SUMF1: variants seen among roughly 807,000 people sequenced by gnomAD.
SUMF1 encodes the protein sulfatase modifying factor 1.
A neutral mutation model predicts 47.6 loss-of-function variants in SUMF1; 48 were observed. The ratio of observed to expected loss-of-function variants is 1.01; its 90% confidence interval spans 0.80 to 1.28. SUMF1 has a LOEUF of 1.28. Ranked by LOEUF, SUMF1 falls within the 50% of genes most tolerant of loss-of-function variation. SUMF1 has a pLI of 0.00. For synonymous variants in SUMF1, 230 were observed against 192.1 expected (o/e 1.20, Z -1.63); for missense variants, 571 against 485.4 (o/e 1.18, Z -1.66).
In SUMF1 at chr3:4,221,927, C is replaced by T. The variant is rs2068382; in HGVS notation, c.1015-153182G>A. On this transcript the variant is annotated intron_variant and NMD_transcript_variant, in intron 8 of 12. Coordinates refer to the SUMF1 transcript ENST00000448413. ...GTGATTTTTTTTCTTTTCCTTATAA[C>T]GTTTTGTATATCCTCTGATTTTTTT... 5.9e-3 allele frequency among the ~76,000 whole-genome samples: 892 copies of T among 151,234 alleles called. 11 individuals carry two copies. The highest frequency in any genetic ancestry group is 0.021 in the African/African-American group (847 of 41,182).
At chr3:4,153,979 C>G in intron 8 of SUMF1, among the ~76,000 whole-genome samples, 1 of 151,604 alleles carries the variant, frequency 6.6e-6, no homozygotes, top group Non-Finnish European at 1.5e-5. Context: ...ACAATCCACC[C>G]ATTCATTCCT....
intron 9 of SUMF1, among the ~76,000 whole-genome samples, chr3:4,043,577 T>C (rs76111163): frequency 0.052 from 7,927 of 152,130 alleles, 712 homozygotes; most frequent in African/African-American, 0.18. Context: ...GGCTCTGGAC[T>C]TGCCCTTTAC....
chr3:4,217,043 T>C (rs1459580182), intron 8 of SUMF1, among the ~76,000 whole-genome samples: 1 of 152,166 alleles, frequency 6.6e-6, no homozygotes, highest in African/African-American at 2.4e-5. Flanking sequence ...TAAATCATTC[T>C]ACTATAAAGA....
At chr3:4,335,296 C>G (rs4685739) in intron 8 of SUMF1, among the ~76,000 whole-genome samples, 100,007 of 151,526 alleles carry the variant, frequency 0.66, 33,096 homozygotes, top group East Asian at 0.74. Context: ...AAGACCAGAC[C>G]ACCCTACCTA....
chr3:4,109,838 C>T (rs186501536), intron 8 of SUMF1, among the ~76,000 whole-genome samples: 66 of 152,114 alleles, frequency 4.3e-4, no homozygotes, highest in South Asian at 1.0e-3. Context: ...AATCTTTTTT[C>T]AAAGCTTTTA....
intron 3 of SUMF1, among the ~76,000 whole-genome samples, chr3:4,424,833 C>T (rs1702017894): frequency 6.6e-6 from 1 of 152,176 alleles, no homozygotes; most frequent in Admixed American, 6.5e-5. Flanking sequence ...AGCGAAGGAT[C>T]AGGAGAGTAC....
intron 8 of SUMF1, among the ~76,000 whole-genome samples, chr3:4,077,234 G>A (rs1402846168): frequency 1.3e-5 from 2 of 152,070 alleles, no homozygotes; most frequent in African/African-American, 4.8e-5. Flanking sequence ...TAACCATTGT[G>A]CAAGACAGTG....
At chr3:4,253,962 C>A in intron 8 of SUMF1, among the ~76,000 whole-genome samples, 1 of 150,670 alleles carries the variant, frequency 6.6e-6, no homozygotes, top group East Asian at 1.9e-4. Flanking sequence ...ACCCCTGACC[C>A]CCGAGCAGCC....
At chr3:4,315,325 A>C (rs939731286) in intron 8 of SUMF1, among the ~76,000 whole-genome samples, 1 of 152,242 alleles carries the variant, frequency 6.6e-6, no homozygotes, top group Non-Finnish European at 1.5e-5. Context: ...GTTAGAAGGA[A>C]AATGATTGGC....
intron 8 of SUMF1, among the ~76,000 whole-genome samples, chr3:4,099,040 C>T (rs1692971253): frequency 6.6e-6 from 1 of 152,150 alleles, no homozygotes; most frequent in Non-Finnish European, 1.5e-5. Flanking sequence ...CTTAACAAGG[C>T]AAAATAAAGC....
intron 8 of SUMF1, chr3:4,314,337 A>C (rs1698549709): frequency 1.3e-5 from 2 of 152,996 alleles, no homozygotes; most frequent in African/African-American, 4.8e-5. Context: ...TTGTGGCTGC[A>C]TACCTAAACC....
intron 8 of SUMF1, among the ~76,000 whole-genome samples, chr3:4,080,761 T>C (rs1226583503): frequency 6.6e-6 from 1 of 152,192 alleles, no homozygotes; most frequent in Non-Finnish European, 1.5e-5. Context: ...TAAAGGTTTC[T>C]TAGCTCAGGG....
intron 8 of SUMF1, among the ~76,000 whole-genome samples, chr3:4,078,429 A>T (rs1692486795): frequency 1.3e-5 from 2 of 152,166 alleles, no homozygotes; most frequent in Admixed American, 6.5e-5. Flanking sequence ...AACTTTGATC[A>T]TGTGTTTCAT....
intron 7 of SUMF1, among the ~76,000 whole-genome samples, chr3:4,399,637 C>G (rs1348088252): frequency 6.6e-6 from 1 of 152,182 alleles, no homozygotes; most frequent in Admixed American, 6.5e-5. Context: ...AACAATCTGT[C>G]CAGGGAGAGC....
At chr3:4,250,123 G>A (rs930105564) in intron 8 of SUMF1, among the ~76,000 whole-genome samples, 3 of 151,886 alleles carry the variant, frequency 2.0e-5, no homozygotes, top group South Asian at 2.1e-4. Context: ...GCAGAGGTTA[G>A]TGGAAGCCAA....
chr3:4,412,632 C>G (rs1395952025), intron 6 of SUMF1, among the ~76,000 whole-genome samples: 1 of 152,160 alleles, frequency 6.6e-6, no homozygotes, highest in Non-Finnish European at 1.5e-5. Flanking sequence ...GCCTGTAATC[C>G]TAGCACTTTG....
intron 1 of SUMF1, among the ~76,000 whole-genome samples, chr3:4,461,960 T>C (rs1232401145): frequency 6.6e-6 from 1 of 152,210 alleles, no homozygotes; most frequent in Non-Finnish European, 1.5e-5. Context: ...CACCACAGCT[T>C]CTGCCACTGC....
chr3:4,286,861 G>T (rs1258563925), intron 8 of SUMF1, among the ~76,000 whole-genome samples: 1 of 152,092 alleles, frequency 6.6e-6, no homozygotes, highest in Non-Finnish European at 1.5e-5. Context: ...AGAACTTGCA[G>T]AACAATGCAA....
chr3:4,173,993 A>G (rs1347209499), intron 8 of SUMF1, among the ~76,000 whole-genome samples: 1 of 152,164 alleles, frequency 6.6e-6, no homozygotes, highest in Non-Finnish European at 1.5e-5. Context: ...AAACCTGCAC[A>G]TTCTGCACAT....
Sources: gnomAD v4.1 joint callset for allele counts (sites outside exome capture counted in the v4.1 genomes callset) on GRCh38, gnomAD v4.1.1 for gene constraint, MANE v1.5 for transcripts, NCBI Gene and HGNC (gene_info 2026-07-23, HGNC 2026-07-21) for gene names.